SPEN: variants seen among roughly 807,000 people sequenced by gnomAD.
SPEN encodes spen family transcriptional repressor.
In SPEN, 18 loss-of-function variants were observed where a neutral mutation model predicts 269.9. The ratio of observed to expected loss-of-function variants is 0.07; its 90% CI spans 0.05 to 0.10. The LOEUF is 0.10. SPEN is among the 10% of genes least tolerant of loss of function. The pLI is 1.00. For missense variants in SPEN, 3,822 were observed against 4,631.2 expected (o/e 0.83, Z 5.07); for synonymous variants, 1,726 against 1,765.7 (o/e 0.98, Z 0.56).
At chr1:15,869,938 C>T (rs2070556240) in intron 1 of SPEN, among the ~76,000 whole-genome samples, 2 of 151,704 alleles carry the variant, frequency 1.3e-5, no homozygotes, top group African/African-American at 4.8e-5. Context: ...GTGGTCTTGT[C>T]TCACTGCAAC....
chr1:15,904,245 A>G (rs139082980), intron 3 of SPEN, among the ~76,000 whole-genome samples: 3,099 of 151,902 alleles, frequency 0.02, 93 homozygotes, highest in African/African-American at 0.07. Context: ...TGGGAGGCCA[A>G]GGCGGGTGGA....
At chr1:15,926,303 G>T (rs1209013878) in intron 10 of SPEN, among the ~76,000 whole-genome samples, 1 of 151,988 alleles carries the variant, frequency 6.6e-6, no homozygotes, top group African/African-American at 2.4e-5. Context: ...GTGGTGGTGA[G>T]GTAGGAGAAT....
At position 15,862,102 on chromosome 1, in the gene SPEN, AG is replaced by A. The variant is rs537641500; in HGVS notation, c.84-10711del. Among the ~76,000 whole-genome samples, 254 of 152,242 alleles carry A rather than the reference AG, an allele frequency of 1.7e-3. 1 individual carries two copies. The highest frequency in any genetic ancestry group is 5.8e-3 in the African/African-American group (241 of 41,554). On this transcript the variant is annotated intron_variant, in intron 1 of 14. Transcript: ENST00000375759. ...GTTAGCCACCATTCTTGGCCTTTTG[AG>A]GGACTCTTGATGTGGATTTTTGCTA... is the stretch of plus-strand genomic sequence containing the variant.
At chr1:15,871,777 C>T (rs1042000303) in intron 1 of SPEN, among the ~76,000 whole-genome samples, 1 of 152,084 alleles carries the variant, frequency 6.6e-6, no homozygotes, top group African/African-American at 2.4e-5. Flanking sequence ...TTCAGTTTTC[C>T]AGTACGATTG....
chr1:15,861,958 C>G (rs1011254358), intron 1 of SPEN, among the ~76,000 whole-genome samples: 32 of 152,204 alleles, frequency 2.1e-4, no homozygotes, highest in African/African-American at 7.7e-4. Context: ...AGGAGAATCG[C>G]TTGAACCTGG....
In SPEN at chr1:15,847,744, C is replaced by T. The variant is rs925027716; in HGVS notation, c.-324C>T. Reference sequence around the variant, plus strand: ...CCGGCTGCCACAGCGCCAGCTCCGTCGTAGTCGCTGCCGCCCGTGTCCCGC... The same window carrying T: ...CCGGCTGCCACAGCGCCAGCTCCGTTGTAGTCGCTGCCGCCCGTGTCCCGC... On this transcript the variant is annotated 5_prime_UTR_variant, in exon 1 of 15. Coordinates refer to ENST00000375759, the MANE Select transcript of SPEN (RefSeq NM_015001.3). The T allele has an allele frequency of 2.0e-4, 37 of 185,048 alleles. No homozygotes were observed. Among genetic ancestry groups the T allele is most frequent in the African/African-American group, 8.4e-4 (36 of 42,720 alleles). The allele number at this position is 185,048 out of a possible 1,614,324, so 11.5% of individuals were successfully genotyped here.
At chr1:15,852,342 A>G (rs1039428963) in intron 1 of SPEN, among the ~76,000 whole-genome samples, 1 of 152,158 alleles carries the variant, frequency 6.6e-6, no homozygotes, top group Non-Finnish European at 1.5e-5. Flanking sequence ...TCTGATTTCC[A>G]ATATCTATTT....
At chr1:15,863,061 G>A (rs910609036) in intron 1 of SPEN, among the ~76,000 whole-genome samples, 1 of 151,934 alleles carries the variant, frequency 6.6e-6, no homozygotes, top group Non-Finnish European at 1.5e-5. Flanking sequence ...GCTCCCGGCC[G>A]AATCCCAGCA....
chr1:15,916,238 C>T lies in SPEN; in HGVS notation c.1354C>T (p.His452Tyr), dbSNP rs1430984849. The T allele has an allele frequency of 1.2e-6, 2 of 1,613,514 alleles. No homozygotes were observed. Among genetic ancestry groups the T allele is most frequent in the African/African-American group, 1.3e-5 (1 of 74,924 alleles). The change falls in exon 6 of 15, where the codon CAT becomes TAT. Residue 452 changes from histidine (H) to tyrosine (Y), a missense_variant. This residue lies in a region of SPEN where 230 missense variants were observed against 426.1 expected (regional missense o/e 0.54). Transcript: ENST00000375759. ...IGNLEKTTTYHDLRNIFQRFG... is the reference protein window; with the variant it reads ...IGNLEKTTTYYDLRNIFQRFG... ...CAACCTTGAAAAAACCACTACTTAC[C>T]ATGACCTTCGCAACATCTTCCAGCG...
At chr1:15,888,810 T>C (rs1447233363) in intron 3 of SPEN, among the ~76,000 whole-genome samples, 1 of 151,938 alleles carries the variant, frequency 6.6e-6, no homozygotes, top group Non-Finnish European at 1.5e-5. Context: ...TTTGTATTTT[T>C]AGTAGAGACA....
At chr1:15,868,109 A>G (rs1359662889) in intron 1 of SPEN, among the ~76,000 whole-genome samples, 1 of 151,862 alleles carries the variant, frequency 6.6e-6, no homozygotes. Flanking sequence ...GTTGGGATTC[A>G]GGAGTGAGCC....
chr1:15,913,870 A>AAAAG (rs1017412032), intron 5 of SPEN, among the ~76,000 whole-genome samples: 1 of 152,046 alleles, frequency 6.6e-6, no homozygotes, highest in African/African-American at 2.4e-5. Flanking sequence ...GGGGGAGAAA[A>AAAAG]AAAGAAAGAA....
At chr1:15,876,731 C>A in intron 3 of SPEN, 53 bp downstream of exon 3, 2 of 1,313,714 alleles carry the variant, frequency 1.5e-6, no homozygotes, top group Admixed American at 1.9e-5. Flanking sequence ...AACAAATTCT[C>A]AACAATCAGT....
chr1:15,906,480 A>G (rs2070957567), intron 3 of SPEN, among the ~76,000 whole-genome samples: 2 of 50,978 alleles, frequency 3.9e-5, no homozygotes, highest in South Asian at 5.4e-4. Flanking sequence ...TTTTTTTTTG[A>G]GACAGTCTCG....
chr1:15,872,428 TAAAAATAC>T (rs1345460238), intron 1 of SPEN, among the ~76,000 whole-genome samples: 4 of 151,658 alleles, frequency 2.6e-5, no homozygotes, highest in Middle Eastern at 3.2e-3. Flanking sequence ...CCGTCTCTAC[TAAAAATAC>T]AAAAATACAA....
At chr1:15,918,887 T>C (rs1268388537) in intron 6 of SPEN, 39 bp from the exon 7 acceptor site, 1 of 1,553,760 alleles carries the variant, frequency 6.4e-7, no homozygotes, top group Non-Finnish European at 8.7e-7. Flanking sequence ...ATTTATTTTC[T>C]TGGGCATATT....
chr1:15,916,178 T>C lies in SPEN; in HGVS notation c.1294T>C (p.Phe432Leu). Reference sequence around the variant, plus strand: ...CCCCTTGGATGAAAGGATAGATGAATTTCACCCCAAAGCAACAAGAACTCT... The same window carrying C: ...CCCCTTGGATGAAAGGATAGATGAACTTCACCCCAAAGCAACAAGAACTCT... ...FRPLDERIDE[F>L]HPKATRTLFI... The change falls in exon 6 of 15, where the codon TTT (phenylalanine) becomes CTT (leucine). Residue 432 changes from phenylalanine to leucine, a missense_variant. By Grantham distance (22) the Phe-to-Leu change is conservative. Coordinates refer to ENST00000375759, the MANE Select transcript of SPEN (RefSeq NM_015001.3). The C allele has an allele frequency of 1.2e-6, 2 of 1,613,532 alleles. No homozygotes were observed. Among genetic ancestry groups the C allele is most frequent in the Non-Finnish European group, 1.7e-6 (2 of 1,179,822 alleles).
chr1:15,892,063 C>T (rs1316416170), intron 3 of SPEN, among the ~76,000 whole-genome samples: 1 of 133,186 alleles, frequency 7.5e-6, no homozygotes, highest in African/African-American at 2.8e-5. Flanking sequence ...CTCTGTCGCC[C>T]AGGCTGGAGT....
intron 5 of SPEN, among the ~76,000 whole-genome samples, chr1:15,915,128 C>T (rs1051168272): frequency 2.0e-4 from 30 of 152,294 alleles, no homozygotes; most frequent in African/African-American, 4.6e-4. Flanking sequence ...GAGCCTGCTA[C>T]GTAATTTTGG....
Sources: gnomAD v4.1 joint callset for allele counts (sites outside exome capture counted in the v4.1 genomes callset) on GRCh38, gnomAD v4.1.1 for gene constraint, gnomAD v4.1.1 regional missense constraint, MANE v1.5 for transcripts, NCBI Gene and HGNC (gene_info 2026-07-23, HGNC 2026-07-21) for gene names.